The following DCLRE1C variants were observed in gnomAD, a reference collection of about 807,000 sequenced individuals.
DCLRE1C encodes DNA cross-link repair 1C, also known as protein artemis.
DCLRE1C carries 47 observed loss-of-function variants against 61.4 expected under a neutral mutation model. The observed-to-expected ratio is 0.77, with a 90% CI of 0.61 to 0.98. DCLRE1C has a LOEUF of 0.98. DCLRE1C is among the 50% of genes least tolerant of loss of function. DCLRE1C has a pLI of 0.00. For synonymous variants in DCLRE1C, 337 were observed against 287.6 expected, an observed-to-expected ratio of 1.17 and a Z score of -1.74; for missense variants, 858 against 816.0, an observed-to-expected ratio of 1.05 and a Z score of -0.63.
intron 5 of DCLRE1C, 111 bp downstream of exon 5, chr10:14,936,427 C>T: frequency 3.8e-6 from 3 of 796,354 alleles, no homozygotes; most frequent in Non-Finnish European, 6.3e-6. Context: ...GGATTACAGA[C>T]ATGTGCCACT....
At position 14,949,032 on chromosome 10, in the gene DCLRE1C, T is replaced by C. The variant is rs778433913; in HGVS notation, c.161+4A>G. On this transcript the variant is annotated splice_donor_region_variant and intron_variant, in intron 2 of 13. Transcript: ENST00000378278. ...TTAAAAACACAAGTAGCAAAATAAA[T>C]TACCTGCACTCCAACCTTCTTTTCA... 4 of 1,604,478 alleles carry C rather than the reference T, an allele frequency of 2.5e-6. No individual in the cohort carries two copies. In the South Asian group the frequency reaches 4.4e-5, roughly 18 times the overall value.
rs1834412719 is a variant in DCLRE1C, at chr10:14,906,597, C to T, written c.*1811G>A. Reference sequence around the variant, plus strand: ...AGTTATGTGTATACTAACTCTGAGTCTTGTTACCCTGGTTAGTCTGGTGGA... The same window carrying T: ...AGTTATGTGTATACTAACTCTGAGTTTTGTTACCCTGGTTAGTCTGGTGGA... On this transcript the variant is annotated 3_prime_UTR_variant, in exon 14 of 14. Coordinates refer to ENST00000378278, the MANE Select transcript of DCLRE1C (RefSeq NM_001033855.3). Among the ~76,000 whole-genome samples the T allele has an allele frequency of 6.6e-6, 1 of 152,170 alleles. No homozygotes were observed. The highest frequency in any genetic ancestry group is 1.5e-5 in the Non-Finnish European group (1 of 68,038).
intron 6 of DCLRE1C, among the ~76,000 whole-genome samples, chr10:14,935,157 C>A (rs1451454325): frequency 6.6e-6 from 1 of 151,418 alleles, no homozygotes; most frequent in Admixed American, 6.6e-5. Context: ...AAACTTTATT[C>A]AGTCATACAC....
At chr10:14,914,917 G>A (rs549304350) in intron 13 of DCLRE1C, among the ~76,000 whole-genome samples, 1 of 151,336 alleles carries the variant, frequency 6.6e-6, no homozygotes, top group South Asian at 2.1e-4. Context: ...TCCAGCCTGG[G>A]GAACAGAGAG....
chr10:14,937,666 G>C (rs577217532), intron 4 of DCLRE1C, among the ~76,000 whole-genome samples: 2 of 152,096 alleles, frequency 1.3e-5, no homozygotes, highest in Admixed American at 6.5e-5. Flanking sequence ...CAAGGTGAAC[G>C]AATCCCTTGA....
At chr10:14,911,253 G>A (rs2131802362) in intron 13 of DCLRE1C, 1 of 152,254 alleles carries the variant, frequency 6.6e-6, no homozygotes, top group South Asian at 2.1e-4. Context: ...ATGATCCATG[G>A]GCATTTGTAA....
chr10:14,932,934 T>G lies in DCLRE1C; in HGVS notation c.700A>C (p.Met234Leu). The change falls in exon 9 of 14, where the codon ATG becomes CTG. Residue 234 changes from methionine to leucine, a missense_variant. Coordinates refer to ENST00000378278, the MANE Select transcript of DCLRE1C (RefSeq NM_001033855.3). The stretch of plus-strand genomic sequence containing the variant: ...AGGATCTCAGGCATGTTCCTAAACA[T>G]GTCTAGCTTATTCACATGAACCTAA... The part of the protein sequence containing the change: ...GVQVHVNKLD[M>L]FRNMPEILHH... 6.2e-7 allele frequency: 1 copy of G among 1,614,238 alleles called. No homozygotes were observed. Among genetic ancestry groups the G allele is most frequent in the Non-Finnish European group, 8.5e-7 (1 of 1,180,044 alleles).
chr10:14,937,062 G>C (rs1038102338), intron 4 of DCLRE1C, among the ~76,000 whole-genome samples: 18 of 152,200 alleles, frequency 1.2e-4, no homozygotes, highest in African/African-American at 4.3e-4. Context: ...AACACATGTT[G>C]TATGATTCCA....
In DCLRE1C at chr10:14,898,202, C is replaced by CTTTTTTTTTTTT. The variant is rs919860514; in HGVS notation, c.*950_*961dup. On this transcript the variant is annotated 3_prime_UTR_variant, in exon 14 of 14. Transcript: ENST00000378289. ...AAAACTCAGTGAGGTAGTACTGTTT[C>CTTTTTTTTTTTT]TTTTTTTTTTTTTTTTTTTTTTTTT... is the stretch of plus-strand genomic sequence containing the variant. 142 of 56,150 alleles carry CTTTTTTTTTTTT rather than the reference C, an allele frequency of 2.5e-3. 18 individuals carry two copies. The highest frequency in any genetic ancestry group is 3.1e-3 in the Non-Finnish European group (87 of 28,186). The allele number at this position is 56,150 out of a possible 1,614,324, so 3.5% of individuals were successfully genotyped here.
At chr10:14,925,417 C>G (rs1270633859) in intron 11 of DCLRE1C, among the ~76,000 whole-genome samples, 1 of 152,022 alleles carries the variant, frequency 6.6e-6, no homozygotes, top group African/African-American at 2.4e-5. Context: ...CGCCAATTCT[C>G]TTTATTCACA....
chr10:14,937,893 CAAAAAAAAAAA>C (rs749452841), intron 4 of DCLRE1C, among the ~76,000 whole-genome samples: 23 of 40,676 alleles, frequency 5.7e-4, no homozygotes, highest in African/African-American at 9.8e-4. Context: ...GGCTCAGTCT[CAAAAAAAAAAA>C]AAAAAAAAAA....
chr10:14,951,177 G>A (rs1475565294), intron 1 of DCLRE1C, among the ~76,000 whole-genome samples: 5 of 151,946 alleles, frequency 3.3e-5, no homozygotes, highest in Non-Finnish European at 7.4e-5. Context: ...CCAGGAGTTC[G>A]ATACCAGCCT....
In DCLRE1C at chr10:14,932,903, T is replaced by C. The variant is rs1266547297; in HGVS notation, c.731A>G (p.His244Arg). 6.2e-7 allele frequency: 1 copy of C among 1,614,116 alleles called. No homozygotes were observed. The highest frequency in any genetic ancestry group is 8.5e-7 in the Non-Finnish European group (1 of 1,180,050). The change falls in exon 9 of 14, where the codon CAT (histidine) becomes CGT (arginine). Residue 244 changes from histidine (H) to arginine (R), a missense_variant. Coordinates refer to ENST00000378278, the MANE Select transcript of DCLRE1C (RefSeq NM_001033855.3). Reference sequence around the variant, plus strand: ...CTGAGTGTTGCGGTCTGTTGTGAGATGATGAAGGATCTCAGGCATGTTCCT... The same window carrying C: ...CTGAGTGTTGCGGTCTGTTGTGAGACGATGAAGGATCTCAGGCATGTTCCT... ...MFRNMPEILH[H>R]LTTDRNTQIH...
downstream of DCLRE1C, chr10:14,899,651 G>A (rs1331333840): frequency 4.3e-6 from 7 of 1,613,860 alleles, no homozygotes; most frequent in Non-Finnish European, 5.1e-6. Context: ...GATGCGGCTC[G>A]ATACGGCAAT....
chr10:14,938,682 T>A (rs7916722), intron 4 of DCLRE1C, among the ~76,000 whole-genome samples: 94,748 of 151,812 alleles, frequency 0.62, 31,586 homozygotes, highest in African/African-American at 0.87. Flanking sequence ...TGAAAAATAA[T>A]TTTTTTCCAC....
At chr10:14,902,641 C>A, downstream of DCLRE1C, 1 of 635,292 alleles carries the variant, frequency 1.6e-6, no homozygotes, top group Non-Finnish European at 2.6e-6. Context: ...TGTTTCAAGA[C>A]ATTTGCCAAA....
chr10:14,920,872 C>T (rs1836985131), intron 12 of DCLRE1C, among the ~76,000 whole-genome samples: 1 of 151,910 alleles, frequency 6.6e-6, no homozygotes, highest in Middle Eastern at 3.2e-3. Flanking sequence ...ATCACAACTA[C>T]TCACAAGGCT....
chr10:14,951,406 A>AAAAAAAAAG, intron 1 of DCLRE1C, among the ~76,000 whole-genome samples: 1 of 146,300 alleles, frequency 6.8e-6, no homozygotes, highest in Non-Finnish European at 1.5e-5. Flanking sequence ...AAAAAAAAAA[A>AAAAAAAAAG]AAAAAAAAAA....
chr10:14,933,986 G>A (rs1296708371), intron 8 of DCLRE1C, among the ~76,000 whole-genome samples: 10 of 152,106 alleles, frequency 6.6e-5, no homozygotes, highest in Non-Finnish European at 1.3e-4. Context: ...TTTAGCAGGC[G>A]AGGAGGGGGA....
Sources: allele counts gnomAD v4.1 joint callset (sites outside exome capture counted in the v4.1 genomes callset), GRCh38; gene constraint gnomAD v4.1.1; transcripts MANE v1.5; gene names NCBI Gene and HGNC (gene_info 2026-07-23, HGNC 2026-07-21).